The following ZNF785 variants were observed in gnomAD, a reference collection of about 807,000 sequenced individuals.
ZNF785 encodes zinc finger protein 785.
In ZNF785, 15 loss-of-function variants were observed where a neutral mutation model predicts 11.3. The observed-to-expected ratio is 1.32, with a 90% confidence interval of 0.89 to 2.04. The LOEUF (loss-of-function observed/expected upper bound fraction) is 2.04. Ranked by LOEUF, ZNF785 falls within the 30% of genes most tolerant of loss-of-function variation. The pLI is 0.00. For missense variants in ZNF785, 572 were observed against 560.9 expected (o/e 1.02, Z -0.20); for synonymous variants, 221 against 231.0 (o/e 0.96, Z 0.39).
Position 30,583,521 on chromosome 16 carries a change from C to T in ZNF785, c.335-78G>A. On this transcript the variant is annotated intron_variant, in intron 2 of 2. Transcript: ENST00000395216. ...GGAAAGATGATAAAGTCAAAACCAG[C>T]ATATTCCGGGACCATGTCCTGCCTT... 1.3e-5 allele frequency: 19 copies of T among 1,505,038 alleles called. No individual in the cohort carries two copies. The South Asian group carries it at 2.6e-4, about 20-fold the overall frequency. 93.2% of individuals were successfully genotyped at this position (1,505,038 alleles called of 1,614,324 possible).
intron 2 of ZNF785, among the ~76,000 whole-genome samples, chr16:30,584,023 T>A (rs1273611720): frequency 1.3e-5 from 2 of 151,414 alleles, no homozygotes; most frequent in Non-Finnish European, 2.9e-5. Context: ...TGGGCGCCTG[T>A]AATCCCAGCT....
chr16:30,585,315 G>A lies in ZNF785; in HGVS notation c.206-65C>T, dbSNP rs1326657445. The A allele has an allele frequency of 6.3e-7, 1 of 1,590,480 alleles. No individual in the cohort carries two copies. The highest frequency in any genetic ancestry group is 1.7e-5 in the Admixed American group (1 of 57,308). On this transcript the variant is annotated intron_variant, in intron 1 of 2. Transcript: ENST00000395216. This position sits in a 1 kb window ranked among gnomAD's most constrained non-coding sequence, Gnocchi z 4.0. Reference sequence around the variant, plus strand: ...AGGGGAGAATGAGACTGCTCCCTCGGCGCCCCGCTTCCAGCCCACTAGCCT... The same window carrying A: ...AGGGGAGAATGAGACTGCTCCCTCGACGCCCCGCTTCCAGCCCACTAGCCT...
chr16:30,581,527 C>G lies in ZNF785; in HGVS notation c.*1033G>C, dbSNP rs2051809673. 1 of 151,074 alleles carries G rather than the reference C, an allele frequency of 6.6e-6. No individual in the cohort carries two copies. The highest frequency in any genetic ancestry group is 6.6e-5 in the Admixed American group (1 of 15,144). The allele number at this position is 151,074 out of a possible 1,614,324, so 9.4% of individuals were successfully genotyped here. Reference sequence around the variant, plus strand: ...CAGCTACTGTGGCCCAAGAATATATCTTTATCAAAAAATACAAAATCCAGG... The same window carrying G: ...CAGCTACTGTGGCCCAAGAATATATGTTTATCAAAAAATACAAAATCCAGG... On this transcript the variant is annotated 3_prime_UTR_variant, in exon 3 of 3. Coordinates refer to ENST00000395216, the MANE Select transcript of ZNF785 (RefSeq NM_152458.7).
downstream of ZNF785, chr16:30,579,856 G>A: frequency 2.2e-6 from 1 of 455,872 alleles, no homozygotes; most frequent in South Asian, 1.5e-5. Flanking sequence ...ATCTAAATGG[G>A]CCAGAAAGAA....
rs945932731 is a variant in ZNF785 at position 30,583,519 on chromosome 16, A to G, written c.335-76T>C. The G allele has an allele frequency of 5.3e-6, 8 of 1,508,536 alleles. No individual in the cohort carries two copies. In the African/African-American group the frequency reaches 1.1e-4, roughly 21 times the overall value. 93.4% of individuals were successfully genotyped at this position (1,508,536 alleles called of 1,614,324 possible). On this transcript the variant is annotated intron_variant, in intron 2 of 2. Coordinates refer to ENST00000395216, the MANE Select transcript of ZNF785 (RefSeq NM_152458.7). The stretch of plus-strand genomic sequence containing the variant: ...CAGGAAAGATGATAAAGTCAAAACC[A>G]GCATATTCCGGGACCATGTCCTGCC...
At position 30,585,061 on chromosome 16, in the gene ZNF785, T is replaced by A. The variant is rs1248888645; in HGVS notation, c.334+61A>T. The stretch of plus-strand genomic sequence containing the variant: ...TGGAGGGGGCAGCCTGCGCTGAGGA[T>A]GTGAGTGAGTTGGGGGCGGGGGTTG... On this transcript the variant is annotated intron_variant, in intron 2 of 2. Coordinates refer to ENST00000395216, the MANE Select transcript of ZNF785 (RefSeq NM_152458.7). This position sits in a 1 kb window ranked among gnomAD's most constrained non-coding sequence, Gnocchi z 4.0. 3.2e-6 allele frequency: 5 copies of A among 1,561,488 alleles called. No individual in the cohort carries two copies. Among genetic ancestry groups the A allele is most frequent in the Non-Finnish European group, 3.5e-6 (4 of 1,149,940 alleles).
intron 2 of ZNF785, among the ~76,000 whole-genome samples, 193 bp downstream of exon 2, chr16:30,584,929 T>C (rs1295538307): frequency 1.3e-5 from 2 of 152,124 alleles, no homozygotes; most frequent in African/African-American, 4.8e-5. Context: ...GGTTTTCCAG[T>C]ATGGTTAATC....
At chr16:30,580,598 GC>G (rs1341768875), downstream of ZNF785, 4 of 149,900 alleles carry the variant, frequency 2.7e-5, no homozygotes, top group African/African-American at 9.8e-5. Flanking sequence ...CTCGTGATCT[GC>G]CCGCCTCGGC....
At position 30,585,376 on chromosome 16, in the gene ZNF785, TG is replaced by T. The variant is rs762439660; in HGVS notation, c.205+30del. On this transcript the variant is annotated intron_variant, in intron 1 of 2. Transcript: ENST00000395216. This position sits in a 1 kb window ranked among gnomAD's most constrained non-coding sequence, Gnocchi z 4.0. ...CGATCACCGCTTCCCACCGACGGAC[TG>T]GGGGTCCCGGCCGGAGGGCCCGGCC... is the stretch of plus-strand genomic sequence containing the variant. 1 of 1,574,902 alleles carries T rather than the reference TG, an allele frequency of 6.3e-7. No homozygotes were observed. Among genetic ancestry groups the T allele is most frequent in the East Asian group, 2.3e-5 (1 of 43,008 alleles).
At chr16:30,583,860 A>G (rs1337798484) in intron 2 of ZNF785, 1 of 153,894 alleles carries the variant, frequency 6.5e-6, no homozygotes, top group Non-Finnish European at 1.4e-5. Flanking sequence ...AAAAAAAAAA[A>G]TGCTGGGCGT....
At position 30,583,212 on chromosome 16, in the gene ZNF785, C is replaced by T. The variant is rs1328577092; in HGVS notation, c.566G>A (p.Ser189Asn). The change falls in exon 3 of 3, where the codon AGC (serine) becomes AAC (asparagine). Residue 189 changes from serine (S) to asparagine (N), a missense_variant. Physicochemically the swap from Ser to Asn is conservative, Grantham distance 46. Transcript: ENST00000395216. ...RNFSYPSLLASHQRVHSGERP... is the reference protein window; with the variant it reads ...RNFSYPSLLANHQRVHSGERP... ...CTCCCCGGAGTGGACCCGCTGGTGG[C>T]TGGCCAGGAGGGAAGGGTAGCTGAA... The T allele has an allele frequency of 1.9e-6, 3 of 1,613,938 alleles. No homozygotes were observed. Among genetic ancestry groups the T allele is most frequent in the East Asian group, 2.2e-5 (1 of 44,890 alleles).
rs1226183413 is a variant in ZNF785 at position 30,585,446 on chromosome 16, C to T, written c.166G>A (p.Asp56Asn). ...TGGCCGAAGGTCTCCCGCATCACGT[C>T]CCGGTACAGGGCCCTCTGCGCTGGC... is the stretch of plus-strand genomic sequence containing the variant. ...LRPAQRALYRDVMRETFGHLG... is the reference protein window; with the variant it reads ...LRPAQRALYRNVMRETFGHLG... The change falls in exon 1 of 3, where the codon GAC becomes AAC. Residue 56 changes from aspartate to asparagine, a missense_variant. Transcript: ENST00000395216. This position sits in a 1 kb window ranked among gnomAD's most constrained non-coding sequence, Gnocchi z 4.0. 1 of 1,601,754 alleles carries T rather than the reference C, an allele frequency of 6.2e-7. No homozygotes were observed. The highest frequency in any genetic ancestry group is 8.5e-7 in the Non-Finnish European group (1 of 1,174,844).
chr16:30,583,476 C>T, intron 2 of ZNF785, 33 bp from the exon 3 acceptor site: 1 of 1,520,038 alleles, frequency 6.6e-7, no homozygotes, highest in Non-Finnish European at 8.8e-7. Flanking sequence ...ATCAGAAACT[C>T]ATCCCTGGAT....
Position 30,583,075 on chromosome 16 carries a change from G to T in ZNF785, c.703C>A (p.Arg235Ser), listed in dbSNP as rs765921616. The T allele has an allele frequency of 1.2e-6, 2 of 1,614,058 alleles. No homozygotes were observed. The highest frequency in any genetic ancestry group is 1.7e-6 in the Non-Finnish European group (2 of 1,179,986). The stretch of plus-strand genomic sequence containing the variant: ...AGGGAACCCCTCTGGCGGAAGCGGC[G>T]CCCGCAGTCGGGGCAGGGGTAGGGC... ...EKPYPCPDCGRRFRQRGSLAI... is the reference protein window; with the variant it reads ...EKPYPCPDCGSRFRQRGSLAI... The change falls in exon 3 of 3, where the codon CGC (arginine) becomes AGC (serine). Residue 235 changes from arginine (R) to serine (S), a missense_variant. Physicochemically the swap from Arg to Ser is moderately radical, Grantham distance 110. Transcript: ENST00000395216.
Position 30,582,693 on chromosome 16 carries a change from T to G in ZNF785, c.1085A>C (p.His362Pro), listed in dbSNP as rs867958697. 1.5e-5 allele frequency: 25 copies of G among 1,613,978 alleles called. No homozygotes were observed. The Middle Eastern group carries it at 3.1e-3, about 202-fold the overall frequency. The change falls in exon 3 of 3, where the codon CAC (histidine) becomes CCC (proline). Residue 362 changes from histidine to proline, a missense_variant. Transcript: ENST00000395216. ...CGCGCGCCTCTCGCTGCAGGAGCGG[T>G]GGATCCACCGATGGGCTTCCAGGGC... ...KTALEAHRWIHRSCSERRAWQ... is the reference protein window; with the variant it reads ...KTALEAHRWIPRSCSERRAWQ...
Position 30,585,313 on chromosome 16 carries a change from C to T in ZNF785, c.206-63G>A. 3 of 1,590,632 alleles carry T rather than the reference C, an allele frequency of 1.9e-6. No individual in the cohort carries two copies. The highest frequency in any genetic ancestry group is 1.1e-5 in the South Asian group (1 of 88,948). On this transcript the variant is annotated intron_variant, in intron 1 of 2. Coordinates refer to ENST00000395216, the MANE Select transcript of ZNF785 (RefSeq NM_152458.7). This position sits in a 1 kb window ranked among gnomAD's most constrained non-coding sequence, Gnocchi z 4.0. Reference sequence around the variant, plus strand: ...GGAGGGGAGAATGAGACTGCTCCCTCGGCGCCCCGCTTCCAGCCCACTAGC... The same window carrying T: ...GGAGGGGAGAATGAGACTGCTCCCTTGGCGCCCCGCTTCCAGCCCACTAGC...
chr16:30,583,011 T>G lies in ZNF785; in HGVS notation c.767A>C (p.Tyr256Ser), dbSNP rs1177694960. 1.2e-6 allele frequency: 2 copies of G among 1,612,880 alleles called. No individual in the cohort carries two copies. Among genetic ancestry groups the G allele is most frequent in the African/African-American group, 2.7e-5 (2 of 74,384 alleles). The change falls in exon 3 of 3, where the codon TAC (tyrosine) becomes TCC (serine). Residue 256 changes from tyrosine to serine, a missense_variant. Coordinates refer to ENST00000395216, the MANE Select transcript of ZNF785 (RefSeq NM_152458.7). ...HRRAHTGEKPYACSDCKSRFT... is the reference protein window; with the variant it reads ...HRRAHTGEKPSACSDCKSRFT... ...GCGACTCTTGCAGTCTGAGCACGCG[T>G]AAGGCTTCTCCCCGGTGTGAGCCCG... is the stretch of plus-strand genomic sequence containing the variant.
In ZNF785 at chr16:30,585,011, G is replaced by A. The variant is rs1048489695; in HGVS notation, c.334+111C>T. 1.4e-6 allele frequency: 2 copies of A among 1,404,084 alleles called. No homozygotes were observed. The highest frequency in any genetic ancestry group is 2.9e-5 in the African/African-American group (2 of 69,798). The allele number at this position is 1,404,084 out of a possible 1,614,324, so 87.0% of individuals were successfully genotyped here. On this transcript the variant is annotated intron_variant, in intron 2 of 2. Transcript: ENST00000395216. The surrounding 1 kb of genome is among the most constrained non-coding windows in gnomAD (Gnocchi z 4.0). ...TGAGATGAGGACGTTTCTGGGGTAG[G>A]GTGCAGGGAGACAGGATGGGACTTT...
chr16:30,583,295 C>G lies in ZNF785; in HGVS notation c.483G>C (p.Trp161Cys), dbSNP rs1033227536. The change falls in exon 3 of 3, where the codon TGG (tryptophan) becomes TGC (cysteine). Residue 161 changes from tryptophan (W) to cysteine (C), a missense_variant. Coordinates refer to ENST00000395216, the MANE Select transcript of ZNF785 (RefSeq NM_152458.7). ...GTCTTCGGGTCAGAGTGTCCTTGAGCCAGGGATTCATGGGGCTCTGCCTAG... is the reference window on the plus strand; with the variant it reads ...GTCTTCGGGTCAGAGTGTCCTTGAGGCAGGGATTCATGGGGCTCTGCCTAG... ...CNPRQSPMNPWLKDTLTRRLP... is the reference protein window; with the variant it reads ...CNPRQSPMNPCLKDTLTRRLP... The G allele has an allele frequency of 1.9e-6, 3 of 1,613,888 alleles. No homozygotes were observed. The highest frequency in any genetic ancestry group is 1.7e-6 in the Non-Finnish European group (2 of 1,179,864).
Sources: allele counts gnomAD v4.1 joint callset (sites outside exome capture counted in the v4.1 genomes callset), GRCh38; gene constraint gnomAD v4.1.1; non-coding constraint Gnocchi (gnomAD v3.1); transcripts MANE v1.5; gene names NCBI Gene and HGNC (gene_info 2026-07-23, HGNC 2026-07-21).